The following PAK3 variants were observed in gnomAD, a reference collection of about 807,000 sequenced individuals.
PAK3 encodes the protein p21 (RAC1) activated kinase 3.
PAK3 carries 4 observed loss-of-function variants against 41.0 expected under a neutral mutation model. That is an observed-to-expected ratio of 0.10 (90% CI 0.05 to 0.22). The LOEUF is 0.22. PAK3 is among the 10% of genes least tolerant of loss of function. PAK3 has a pLI of 1.00. For synonymous variants in PAK3, 146 were observed against 139.6 expected (o/e 1.05, Z -0.32); for missense variants, 205 against 409.9 (o/e 0.50, Z 4.32).
At chrX:111,136,503 G>C (rs2093791600) in intron 5 of PAK3, among the ~76,000 whole-genome samples, 1 of 111,718 alleles carries the variant, frequency 9.0e-6, no homozygotes, top group African/African-American at 3.3e-5. Context: ...TCAGCCAGAA[G>C]GAAGCTGAGA....
chrX:111,118,384 G>A (rs1256988753), intron 4 of PAK3, among the ~76,000 whole-genome samples: 2 of 110,339 alleles, frequency 1.8e-5, no homozygotes, highest in Middle Eastern at 4.7e-3. Flanking sequence ...TTGGTTAAAA[G>A]AGAGCCCAAG....
intron 11 of PAK3, among the ~76,000 whole-genome samples, chrX:111,189,426 T>C (rs1388195766): frequency 8.9e-6 from 1 of 112,021 alleles, no homozygotes; most frequent in Non-Finnish European, 1.9e-5. Context: ...TTATTTTCTT[T>C]TGGATACATA....
chrX:111,042,140 G>T (rs1012867794), intron 1 of PAK3, among the ~76,000 whole-genome samples: 5 of 111,633 alleles, frequency 4.5e-5, no homozygotes, highest in African/African-American at 1.3e-4. Context: ...CCCGGTGCCT[G>T]GTATATAGTA....
At chrX:111,184,437 C>T (rs1269533300) in intron 11 of PAK3, among the ~76,000 whole-genome samples, 1 of 108,546 alleles carries the variant, frequency 9.2e-6, no homozygotes, top group Non-Finnish European at 1.9e-5. Flanking sequence ...TTCTGGGATA[C>T]GTGTGCAGAA....
At chrX:111,050,530 C>A (rs775815720) in intron 1 of PAK3, among the ~76,000 whole-genome samples, 3 of 112,251 alleles carry the variant, frequency 2.7e-5, no homozygotes, top group Non-Finnish European at 5.6e-5. Context: ...CTAATGCTGT[C>A]AGTTGAAGAA....
intron 1 of PAK3, among the ~76,000 whole-genome samples, chrX:111,053,895 G>A (rs1251716240): frequency 8.9e-6 from 1 of 112,338 alleles, no homozygotes; most frequent in Non-Finnish European, 1.9e-5. Context: ...TGTGCATGTA[G>A]TAAGAGCTTT....
At chrX:111,142,375 CA>C (rs1464761089) in intron 6 of PAK3, among the ~76,000 whole-genome samples, 179 bp downstream of exon 6, 2 of 112,555 alleles carry the variant, frequency 1.8e-5, no homozygotes, top group Non-Finnish European at 3.8e-5. Flanking sequence ...CAGCATTGAC[CA>C]AATTATTTTG....
rs1444684526 is a variant in PAK3 at position 111,220,660 on chromosome X, G to A, written c.*213G>A. 2.3e-6 allele frequency: 1 copy of A among 428,227 alleles called. No individual in the cohort carries two copies. Among genetic ancestry groups the A allele is most frequent in the Non-Finnish European group, 4.1e-6 (1 of 245,580 alleles). 35.3% of individuals were successfully genotyped at this position (428,227 alleles called of 1,213,427 possible). On this transcript the variant is annotated 3_prime_UTR_variant, in exon 18 of 18. Transcript: ENST00000372007. ...GCAGCCCAAACAGGGCAGCAATGTTGAAGTGACCATAAAGTGGTCACTTCC... is the reference window on the plus strand; with the variant it reads ...GCAGCCCAAACAGGGCAGCAATGTTAAAGTGACCATAAAGTGGTCACTTCC...
chrX:111,063,782 C>T (rs1375488327), intron 1 of PAK3, among the ~76,000 whole-genome samples: 3 of 101,598 alleles, frequency 3.0e-5, no homozygotes, highest in Non-Finnish European at 5.9e-5. Flanking sequence ...GCCGAGATTG[C>T]GCCACTGCAC....
chrX:111,016,064 T>A (rs2092085321), intron 1 of PAK3, among the ~76,000 whole-genome samples: 1 of 112,595 alleles, frequency 8.9e-6, no homozygotes, highest in Admixed American at 9.4e-5. Flanking sequence ...GTACAGTGCA[T>A]GATTCCTCTT....
intron 1 of PAK3, among the ~76,000 whole-genome samples, chrX:110,955,708 T>C: frequency 8.9e-6 from 1 of 112,206 alleles, no homozygotes; most frequent in East Asian, 2.8e-4. Context: ...GCTTACTCCA[T>C]GTCTAATGCC....
At chrX:111,170,554 T>C (rs952481612) in intron 10 of PAK3, among the ~76,000 whole-genome samples, 12 of 111,612 alleles carry the variant, frequency 1.1e-4, no homozygotes, top group Non-Finnish European at 2.1e-4. Context: ...ACATATTTTC[T>C]TGTTCTCATT....
chrX:111,170,081 C>G (rs1335218744), intron 10 of PAK3, among the ~76,000 whole-genome samples: 4 of 110,737 alleles, frequency 3.6e-5, no homozygotes, highest in Non-Finnish European at 7.6e-5. Context: ...TGGAATAACC[C>G]AGGAAAAAGA....
chrX:111,185,980 C>T (rs1193868296), intron 11 of PAK3, among the ~76,000 whole-genome samples: 1 of 111,239 alleles, frequency 9.0e-6, no homozygotes, highest in African/African-American at 3.3e-5. Context: ...GGATGCAAGG[C>T]TGGTTCAACA....
intron 16 of PAK3, among the ~76,000 whole-genome samples, chrX:111,201,072 T>C (rs1188372677): frequency 1.8e-5 from 2 of 111,845 alleles, no homozygotes; most frequent in African/African-American, 6.5e-5. Flanking sequence ...AAAAGACCTG[T>C]GAGAAAGACC....
At chrX:111,186,218 T>G (rs1173907981) in intron 11 of PAK3, among the ~76,000 whole-genome samples, 1 of 111,513 alleles carries the variant, frequency 9.0e-6, no homozygotes, top group East Asian at 2.8e-4. Flanking sequence ...AGCATTCCCT[T>G]TGAAAACCAG....
chrX:110,973,321 C>G (rs1450522596), intron 1 of PAK3, among the ~76,000 whole-genome samples: 1 of 111,807 alleles, frequency 8.9e-6, no homozygotes, highest in Non-Finnish European at 1.9e-5. Context: ...AGAGAAAGGT[C>G]GAGCTACACA....
At chrX:111,131,650 C>T (rs1569379794) in intron 5 of PAK3, among the ~76,000 whole-genome samples, 3 of 111,629 alleles carry the variant, frequency 2.7e-5, no homozygotes, top group African/African-American at 9.8e-5. Context: ...TCCCTGTGTA[C>T]AGGGAAATGT....
At chrX:110,986,731 T>C (rs2091550882) in intron 1 of PAK3, among the ~76,000 whole-genome samples, 1 of 107,720 alleles carries the variant, frequency 9.3e-6, no homozygotes, top group Admixed American at 1.0e-4. Context: ...AAAGGGGTCT[T>C]GATTTCATTT....
Sources: allele counts gnomAD v4.1 joint callset (sites outside exome capture counted in the v4.1 genomes callset), GRCh38; gene constraint gnomAD v4.1.1; transcripts MANE v1.5; gene names NCBI Gene and HGNC (gene_info 2026-07-23, HGNC 2026-07-21).